Variants in ITGBL1 observed in about 807,000 individuals in gnomAD.
ITGBL1 encodes the protein integrin subunit beta like 1.
In ITGBL1, 51 loss-of-function variants were observed where a neutral mutation model predicts 68.5. The observed-to-expected ratio is 0.74, with a 90% CI of 0.59 to 0.94. The LOEUF is 0.94. Among genes scored for constraint, ITGBL1 ranks in the 40% least tolerant of loss-of-function variants. The pLI is 0.00. For missense variants in ITGBL1, 649 were observed against 647.4 expected, an observed-to-expected ratio of 1.00 and a Z score of -0.03; for synonymous variants, 209 against 227.3, an observed-to-expected ratio of 0.92 and a Z score of 0.72.
intron 7 of ITGBL1, among the ~76,000 whole-genome samples, chr13:101,673,286 G>A (rs1173874229): frequency 6.6e-6 from 1 of 152,114 alleles, no homozygotes; most frequent in Non-Finnish European, 1.5e-5. Flanking sequence ...CATCTGTCAT[G>A]CCCATCCTAA....
intron 6 of ITGBL1, among the ~76,000 whole-genome samples, chr13:101,584,039 G>C (rs775642369): frequency 6.6e-6 from 1 of 152,176 alleles, no homozygotes; most frequent in Non-Finnish European, 1.5e-5. Context: ...CAGTGCTCAG[G>C]GTTATTTTGT....
At chr13:101,716,711 G>A (rs529754599), downstream of ITGBL1, 33 of 148,844 alleles carry the variant, frequency 2.2e-4, 1 homozygote, top group South Asian at 1.1e-3. Flanking sequence ...TTACTTACTG[G>A]AAACCTGGGG....
chr13:101,453,816 G>T (rs1451531068), intron 1 of ITGBL1, 67 bp from the exon 2 acceptor site: 1 of 1,078,174 alleles, frequency 9.3e-7, no homozygotes. Flanking sequence ...GGGAGGAAAC[G>T]TGGGTTCGGA....
At chr13:101,583,104 T>C in intron 5 of ITGBL1, 112 bp from the exon 6 acceptor site, 1 of 1,021,096 alleles carries the variant, frequency 9.8e-7, no homozygotes, top group Non-Finnish European at 1.5e-6. Flanking sequence ...TGTCTGAATA[T>C]ATGTGTTTTT....
At chr13:101,575,147 T>C (rs993886361) in intron 3 of ITGBL1, among the ~76,000 whole-genome samples, 5 of 152,120 alleles carry the variant, frequency 3.3e-5, no homozygotes, top group African/African-American at 4.8e-5. Flanking sequence ...GATGGCTATA[T>C]GTGGAGTAGC....
At chr13:101,571,876 T>C (rs1023610686) in intron 3 of ITGBL1, among the ~76,000 whole-genome samples, 2 of 152,152 alleles carry the variant, frequency 1.3e-5, no homozygotes, top group African/African-American at 4.8e-5. Flanking sequence ...ATTCTATGTA[T>C]GCAATGTAAT....
chr13:101,474,476 C>T (rs1039715155), intron 2 of ITGBL1, among the ~76,000 whole-genome samples: 1 of 152,156 alleles, frequency 6.6e-6, no homozygotes, highest in Non-Finnish European at 1.5e-5. Context: ...TCTGGGCCAG[C>T]CTTGAGCCAG....
intron 2 of ITGBL1, among the ~76,000 whole-genome samples, chr13:101,479,077 AC>A (rs2048578145): frequency 6.6e-6 from 1 of 152,108 alleles, no homozygotes; most frequent in South Asian, 2.1e-4. Context: ...AGCTATAGTA[AC>A]CCAAATAGTA....
At chr13:101,465,325 C>T (rs973207751) in intron 2 of ITGBL1, among the ~76,000 whole-genome samples, 1 of 152,016 alleles carries the variant, frequency 6.6e-6, no homozygotes, top group Non-Finnish European at 1.5e-5. Flanking sequence ...GGGTTGGAGA[C>T]AAAAATCACT....
chr13:101,576,115 T>C lies in ITGBL1; in HGVS notation c.586+569T>C, dbSNP rs117976393. 4.5e-4 allele frequency among the ~76,000 whole-genome samples: 68 copies of C among 152,314 alleles called. 1 individual carries two copies. In the East Asian group the frequency reaches 0.011, roughly 25 times the overall value. ...CAAATTCTGCAATAAGTGCTTTACA[T>C]TCATTATGTTTTGTCTCACAACATC... On this transcript the variant is annotated intron_variant, in intron 4 of 10. Transcript: ENST00000376180.
At chr13:101,586,585 C>A (rs934407325) in intron 6 of ITGBL1, among the ~76,000 whole-genome samples, 1 of 152,196 alleles carries the variant, frequency 6.6e-6, no homozygotes, top group South Asian at 2.1e-4. Context: ...AATTAAGTAA[C>A]TTGATAAAGT....
chr13:101,563,888 A>G (rs563557503), intron 2 of ITGBL1, among the ~76,000 whole-genome samples: 1 of 151,990 alleles, frequency 6.6e-6, no homozygotes, highest in South Asian at 2.1e-4. Flanking sequence ...TAGAACACCA[A>G]ATCTTTAATA....
chr13:101,558,736 A>G (rs2050052239), intron 2 of ITGBL1, among the ~76,000 whole-genome samples: 1 of 152,220 alleles, frequency 6.6e-6, no homozygotes, highest in African/African-American at 2.4e-5. Flanking sequence ...TCCCTCAAGA[A>G]ATTCTGATCT....
At chr13:101,477,463 C>T (rs9557668) in intron 2 of ITGBL1, among the ~76,000 whole-genome samples, 21,633 of 151,668 alleles carry the variant, frequency 0.14, 2,047 homozygotes, top group East Asian at 0.43. Flanking sequence ...CCCCAAATTA[C>T]TGGAAGAAAA....
intron 2 of ITGBL1, among the ~76,000 whole-genome samples, chr13:101,543,998 A>ACTT (rs1194584883): frequency 1.3e-5 from 2 of 152,028 alleles, no homozygotes; most frequent in Non-Finnish European, 2.9e-5. Flanking sequence ...ATGGGTTCGA[A>ACTT]CTTCCTCCTT....
Position 101,622,915 on chromosome 13 carries a change from A to ATGTGTGTGTGTG in ITGBL1, c.1015+24634_1015+24645dup, listed in dbSNP as rs59267168. 2.5e-3 allele frequency among the ~76,000 whole-genome samples: 377 copies of ATGTGTGTGTGTG among 148,500 alleles called. 2 individuals are homozygous for ATGTGTGTGTGTG. Among genetic ancestry groups the ATGTGTGTGTGTG allele is most frequent in the Middle Eastern group, 0.01 (3 of 288 alleles). Reference sequence around the variant, plus strand: ...GCTGGGATGTGTGTGTGGGGTATGTATGTGTGTGTGTGTGTGTGTGTGTGT... The same window carrying ATGTGTGTGTGTG: ...GCTGGGATGTGTGTGTGGGGTATGTATGTGTGTGTGTGTGTGTGTGTGTGTGTGTGTGTGTGT... On this transcript the variant is annotated intron_variant, in intron 7 of 10. Transcript: ENST00000376180.
At chr13:101,511,111 C>T (rs2049109022) in intron 2 of ITGBL1, among the ~76,000 whole-genome samples, 1 of 151,940 alleles carries the variant, frequency 6.6e-6, no homozygotes, top group South Asian at 2.1e-4. Flanking sequence ...AGATTTTCTT[C>T]TAGGAACTTT....
At chr13:101,520,314 A>AT (rs1316724588) in intron 2 of ITGBL1, among the ~76,000 whole-genome samples, 1 of 152,164 alleles carries the variant, frequency 6.6e-6, no homozygotes, top group Non-Finnish European at 1.5e-5. Flanking sequence ...AGATGAAATT[A>AT]TTTTTTGCAT....
At chr13:101,580,643 A>G (rs1008470624) in intron 5 of ITGBL1, among the ~76,000 whole-genome samples, 1 of 152,052 alleles carries the variant, frequency 6.6e-6, no homozygotes, top group Non-Finnish European at 1.5e-5. Context: ...CCTGTGTCCA[A>G]TGTGTTTTCT....
Sources: gnomAD v4.1 joint callset for allele counts (sites outside exome capture counted in the v4.1 genomes callset) on GRCh38, gnomAD v4.1.1 for gene constraint, MANE v1.5 for transcripts, NCBI Gene and HGNC (gene_info 2026-07-23, HGNC 2026-07-21) for gene names.